Variants in PLA2G4A observed in about 807,000 individuals in gnomAD.
The protein encoded by PLA2G4A is phospholipase A2 group IVA.
A neutral mutation model predicts 81.9 loss-of-function variants in PLA2G4A; 40 were observed. The observed-to-expected ratio is 0.49, with a 90% CI of 0.38 to 0.64. The LOEUF (loss-of-function observed/expected upper bound fraction) is 0.64. PLA2G4A is among the 30% of genes least tolerant of loss of function. PLA2G4A has a pLI of 0.00. For missense variants in PLA2G4A, 715 were observed against 905.1 expected (o/e 0.79, Z 2.69); for synonymous variants, 302 against 296.9 (o/e 1.02, Z -0.18).
Position 186,920,065 on chromosome 1 carries a change from G to A in PLA2G4A, c.558+8676G>A, listed in dbSNP as rs539751206. ...GGGGGCTTGGTTGACCGCCAGTCCC[G>A]GAGGATTATCATTTGCCCATACTTG... On this transcript the variant is annotated intron_variant, in intron 7 of 17. Coordinates refer to ENST00000367466, the MANE Select transcript of PLA2G4A (RefSeq NM_024420.3). Among the ~76,000 whole-genome samples the A allele has an allele frequency of 3.9e-5, 6 of 152,288 alleles. 1 individual carries two copies. In the South Asian group the frequency reaches 1.0e-3, roughly 26 times the overall value.
In PLA2G4A at chr1:186,950,703, T is replaced by G. The variant is rs1488781184; in HGVS notation, c.1311T>G (p.Ser437Arg). 2 of 1,603,650 alleles carry G rather than the reference T, an allele frequency of 1.2e-6. No homozygotes were observed. The highest frequency in any genetic ancestry group is 1.7e-6 in the Non-Finnish European group (2 of 1,170,798). Residue 437 changes from serine to arginine, a missense_variant, in exon 13 of 18, where the codon AGT becomes AGG. Physicochemically the swap from Ser to Arg is moderately radical, Grantham distance 110 (BLOSUM62 -1). Coordinates refer to ENST00000367466, the MANE Select transcript of PLA2G4A (RefSeq NM_024420.3). ...KHIVSNDSSD[S>R]DDESHEPKGT... ...TTGTGAGTAATGATAGCTCGGACAG[T>G]GATGATGAATCACACGAACCCAAAG...
rs538493907 is a variant in PLA2G4A, at chr1:186,956,017, G to A, written c.1337-85G>A. 27 of 1,215,862 alleles carry A rather than the reference G, an allele frequency of 2.2e-5. No homozygotes were observed. In the South Asian group the frequency reaches 2.4e-4, roughly 11 times the overall value. 75.3% of individuals were successfully genotyped at this position (1,215,862 alleles called of 1,614,324 possible). ...GGCCTCCCAAAGTGCTAGGATTACA[G>A]GCGTGAGCCACCGTGCCCAGCCCAA... On this transcript the variant is annotated intron_variant, in intron 13 of 17. Coordinates refer to ENST00000367466, the MANE Select transcript of PLA2G4A (RefSeq NM_024420.3).
chr1:186,910,606 T>A (rs1654904623), intron 6 of PLA2G4A, among the ~76,000 whole-genome samples: 1 of 152,172 alleles, frequency 6.6e-6, no homozygotes, highest in Non-Finnish European at 1.5e-5. Flanking sequence ...TAATACCTAA[T>A]GTGACTTCTG....
Position 186,901,273 on chromosome 1 carries a change from T to G in PLA2G4A, c.379-5692T>G, listed in dbSNP as rs12720543. Among the ~76,000 whole-genome samples the G allele has an allele frequency of 4.9e-4, 74 of 152,314 alleles. 1 individual carries two copies. Among genetic ancestry groups the G allele is most frequent in the Admixed American group, 7.9e-4 (12 of 15,274 alleles). ...TTTAATAGAGAATGCATTTTTATTT[T>G]GGGTCACTAACAATTGAAACAAGTG... On this transcript the variant is annotated intron_variant, in intron 5 of 17. Transcript: ENST00000367466.
intron 1 of PLA2G4A, among the ~76,000 whole-genome samples, chr1:186,851,781 ATG>A (rs1652382154): frequency 6.6e-6 from 1 of 152,058 alleles, no homozygotes; most frequent in Non-Finnish European, 1.5e-5. Context: ...TAAATATAAA[ATG>A]TAGTTTCAAA....
intron 2 of PLA2G4A, among the ~76,000 whole-genome samples, chr1:186,855,532 C>A (rs1389962821): frequency 6.6e-6 from 1 of 152,012 alleles, no homozygotes; most frequent in Admixed American, 6.6e-5. Context: ...GGAAGACTTG[C>A]TCATATACCT....
Position 186,947,693 on chromosome 1 carries a change from T to C in PLA2G4A, c.1264+732T>C, listed in dbSNP as rs139098533. Among the ~76,000 whole-genome samples the C allele has an allele frequency of 1.9e-3, 291 of 152,296 alleles. 2 individuals are homozygous for C. The highest frequency in any genetic ancestry group is 6.8e-3 in the African/African-American group (282 of 41,574). ...AATCAACATTAATTTTTGGGTTGAC[T>C]GTTTTGACTGATAGCATAAAGAAAT... On this transcript the variant is annotated intron_variant, in intron 12 of 17. Coordinates refer to ENST00000367466, the MANE Select transcript of PLA2G4A (RefSeq NM_024420.3).
At chr1:186,892,756 G>A (rs1654190725) in intron 3 of PLA2G4A, among the ~76,000 whole-genome samples, 1 of 152,172 alleles carries the variant, frequency 6.6e-6, no homozygotes, top group African/African-American at 2.4e-5. Flanking sequence ...GTCCTCTCTA[G>A]ATAGATGGAG....
At chr1:186,855,571 C>A (rs1652521711) in intron 2 of PLA2G4A, among the ~76,000 whole-genome samples, 1 of 151,930 alleles carries the variant, frequency 6.6e-6, no homozygotes, top group Non-Finnish European at 1.5e-5. Context: ...TCAAAGGTAG[C>A]CAATATTTTA....
intron 12 of PLA2G4A, among the ~76,000 whole-genome samples, chr1:186,948,419 G>A (rs1012713985): frequency 1.3e-5 from 2 of 151,162 alleles, no homozygotes; most frequent in Non-Finnish European, 2.9e-5. Context: ...GATCTTACTT[G>A]ATTTCTTTTA....
At chr1:186,863,505 ATCT>A (rs897497556) in intron 2 of PLA2G4A, among the ~76,000 whole-genome samples, 3 of 152,166 alleles carry the variant, frequency 2.0e-5, no homozygotes, top group African/African-American at 7.2e-5. Flanking sequence ...CACATTAAAA[ATCT>A]TCTCTTCTAT....
At chr1:186,849,274 A>T (rs1229711672) in intron 1 of PLA2G4A, among the ~76,000 whole-genome samples, 2 of 152,072 alleles carry the variant, frequency 1.3e-5, no homozygotes, top group Non-Finnish European at 2.9e-5. Flanking sequence ...TATTAATAAG[A>T]TAAATATGGC....
intron 4 of PLA2G4A, among the ~76,000 whole-genome samples, 179 bp from the exon 5 acceptor site, chr1:186,893,918 CA>C (rs35114616): frequency 0.37 from 43,633 of 117,914 alleles, 7,370 homozygotes; most frequent in East Asian, 0.48. Context: ...GACCCTGTCT[CA>C]AAAAAAAAAA....
chr1:186,854,085 A>G (rs1360077398), intron 1 of PLA2G4A, among the ~76,000 whole-genome samples: 1 of 151,974 alleles, frequency 6.6e-6, no homozygotes, highest in African/African-American at 2.4e-5. Context: ...ACAAGTAAAT[A>G]TGGAAAATAA....
intron 3 of PLA2G4A, among the ~76,000 whole-genome samples, chr1:186,885,090 C>T (rs148013596): frequency 1.3e-5 from 2 of 152,016 alleles, no homozygotes; most frequent in Non-Finnish European, 2.9e-5. Flanking sequence ...GATTTTAGGA[C>T]AAAATAAGTT....
At chr1:186,889,205 G>A (rs1654046695) in intron 3 of PLA2G4A, among the ~76,000 whole-genome samples, 1 of 152,136 alleles carries the variant, frequency 6.6e-6, no homozygotes, top group East Asian at 1.9e-4. Flanking sequence ...TGGTCCTGTT[G>A]AGAGTTATAA....
intron 7 of PLA2G4A, among the ~76,000 whole-genome samples, chr1:186,921,555 G>A (rs535869169): frequency 1.3e-5 from 2 of 152,242 alleles, no homozygotes; most frequent in South Asian, 2.1e-4. Context: ...TGGGCCATAA[G>A]CAAGCTGTCA....
intron 7 of PLA2G4A, among the ~76,000 whole-genome samples, chr1:186,911,810 G>A (rs1009403214): frequency 5.3e-5 from 8 of 152,202 alleles, no homozygotes; most frequent in African/African-American, 1.9e-4. Context: ...TGGAGGCCAA[G>A]CAGTCCCACG....
intron 14 of PLA2G4A, among the ~76,000 whole-genome samples, chr1:186,961,644 A>G (rs963111425): frequency 6.6e-6 from 1 of 152,218 alleles, no homozygotes; most frequent in Non-Finnish European, 1.5e-5. Flanking sequence ...AAGAAAGGAT[A>G]AAAGGATACT....
Sources: allele counts gnomAD v4.1 joint callset (sites outside exome capture counted in the v4.1 genomes callset), GRCh38; gene constraint gnomAD v4.1.1; transcripts MANE v1.5; gene names NCBI Gene and HGNC (gene_info 2026-07-23, HGNC 2026-07-21).